Variants in RALYL observed in about 807,000 individuals in gnomAD.
RALYL encodes RALY RNA binding protein like, also known as RNA-binding Raly-like protein.
Under a neutral mutation model 35.1 loss-of-function variants are expected in RALYL, and 29 were observed. That is an observed-to-expected ratio of 0.83 (90% confidence interval 0.61 to 1.13). The LOEUF is 1.13. Among genes scored for constraint, RALYL ranks in the 50% most tolerant of loss-of-function variants. The pLI is 0.00. For missense variants in RALYL, 359 were observed against 360.4 expected (o/e 1.00, Z 0.03); for synonymous variants, 120 against 127.6 (o/e 0.94, Z 0.40).
intron 1 of RALYL, among the ~76,000 whole-genome samples, chr8:84,482,887 A>G (rs1372157857): frequency 1.3e-5 from 2 of 152,120 alleles, no homozygotes; most frequent in Non-Finnish European, 2.9e-5. Flanking sequence ...CACTGTTGAG[A>G]CATTAAAGTC....
intron 1 of RALYL, among the ~76,000 whole-genome samples, chr8:84,247,529 A>C (rs1829347679): frequency 6.6e-6 from 1 of 151,838 alleles, no homozygotes; most frequent in African/African-American, 2.4e-5. Context: ...ACACATTTTA[A>C]ATTTAAAAAA....
intron 4 of RALYL, among the ~76,000 whole-genome samples, chr8:84,810,105 C>A (rs1226658238): frequency 6.6e-6 from 1 of 151,966 alleles, no homozygotes; most frequent in Non-Finnish European, 1.5e-5. Context: ...TTCAGTCTTT[C>A]TGATGTAGGC....
intron 2 of RALYL, among the ~76,000 whole-genome samples, chr8:84,697,944 T>C (rs1839453532): frequency 6.6e-6 from 1 of 152,130 alleles, no homozygotes; most frequent in Non-Finnish European, 1.5e-5. Flanking sequence ...TAAAAGCATG[T>C]ATATTTGCCA....
chr8:84,513,956 A>T (rs1000736501), intron 1 of RALYL, among the ~76,000 whole-genome samples: 2 of 151,866 alleles, frequency 1.3e-5, no homozygotes, highest in African/African-American at 4.8e-5. Flanking sequence ...TTAGCCAGGC[A>T]TGGTGGTGTG....
intron 1 of RALYL, among the ~76,000 whole-genome samples, chr8:84,447,303 C>T (rs1291735703): frequency 6.6e-6 from 1 of 152,054 alleles, no homozygotes; most frequent in Admixed American, 6.6e-5. Context: ...GAACACATTC[C>T]GGTTCTGAAT....
At chr8:84,413,792 C>A (rs1365684438) in intron 1 of RALYL, among the ~76,000 whole-genome samples, 3 of 151,946 alleles carry the variant, frequency 2.0e-5, no homozygotes, top group African/African-American at 7.2e-5. Flanking sequence ...TTACGATAGG[C>A]AGTTCTTAGT....
intron 3 of RALYL, among the ~76,000 whole-genome samples, chr8:84,781,197 G>T (rs1818068446): frequency 1.3e-5 from 2 of 152,074 alleles, no homozygotes; most frequent in East Asian, 3.9e-4. Flanking sequence ...TAGCTATGAT[G>T]ATGTTGCTAA....
At chr8:84,904,122 C>T (rs963253584) in intron 8 of RALYL, among the ~76,000 whole-genome samples, 5 of 152,154 alleles carry the variant, frequency 3.3e-5, no homozygotes, top group African/African-American at 4.8e-5. Context: ...AACCTGAACA[C>T]ATTCTATAAA....
intron 8 of RALYL, among the ~76,000 whole-genome samples, chr8:84,910,346 G>A (rs183087352): frequency 6.6e-6 from 1 of 152,142 alleles, no homozygotes; most frequent in Admixed American, 6.6e-5. Context: ...TACTCTGTTA[G>A]TCATACTATC....
intron 1 of RALYL, among the ~76,000 whole-genome samples, chr8:84,240,831 C>CA (rs1300414323): frequency 6.6e-6 from 1 of 152,034 alleles, no homozygotes; most frequent in Non-Finnish European, 1.5e-5. Flanking sequence ...TGAGTGTTGA[C>CA]AAAAAGATGT....
intron 2 of RALYL, among the ~76,000 whole-genome samples, chr8:84,735,684 A>G (rs1326360287): frequency 6.6e-6 from 1 of 152,048 alleles, no homozygotes; most frequent in East Asian, 1.9e-4. Context: ...GTACCCTTAT[A>G]CAATGAGGTT....
intron 1 of RALYL, among the ~76,000 whole-genome samples, chr8:84,251,150 A>G (rs1304406229): frequency 6.6e-6 from 1 of 152,118 alleles, no homozygotes; most frequent in Non-Finnish European, 1.5e-5. Flanking sequence ...ATAAATGTAG[A>G]TGGGGAAGGC....
intron 2 of RALYL, among the ~76,000 whole-genome samples, chr8:84,648,115 C>T (rs569782406): frequency 2.0e-5 from 3 of 152,044 alleles, no homozygotes; most frequent in South Asian, 2.1e-4. Context: ...TGCGCACATG[C>T]GTGCACACAC....
chr8:84,632,617 T>C (rs1824168268), intron 2 of RALYL, among the ~76,000 whole-genome samples: 1 of 141,026 alleles, frequency 7.1e-6, no homozygotes, highest in African/African-American at 2.6e-5. Flanking sequence ...GTGTGTGTAG[T>C]TTTCTTTATT....
chr8:84,336,497 T>C (rs1372300693), intron 1 of RALYL, among the ~76,000 whole-genome samples: 1 of 152,148 alleles, frequency 6.6e-6, no homozygotes, highest in African/African-American at 2.4e-5. Context: ...CTTTCTTTTG[T>C]ATCAGAGAAG....
At chr8:84,331,808 T>G (rs1846872873) in intron 1 of RALYL, among the ~76,000 whole-genome samples, 1 of 152,146 alleles carries the variant, frequency 6.6e-6, no homozygotes, top group Non-Finnish European at 1.5e-5. Flanking sequence ...GCTGACTTAT[T>G]AAGCATAATA....
chr8:84,565,983 G>C (rs950000404), intron 2 of RALYL, among the ~76,000 whole-genome samples: 3 of 151,490 alleles, frequency 2.0e-5, no homozygotes, highest in African/African-American at 4.8e-5. Context: ...ATTGCTTTGT[G>C]CCTTAGTACA....
chr8:84,462,854 T>C (rs2050969342), intron 1 of RALYL, among the ~76,000 whole-genome samples: 1 of 151,794 alleles, frequency 6.6e-6, no homozygotes, highest in Non-Finnish European at 1.5e-5. Flanking sequence ...ATCCTGAAGT[T>C]CATCATCAAA....
intron 1 of RALYL, among the ~76,000 whole-genome samples, chr8:84,356,926 ATG>A (rs1291454196): frequency 0.028 from 4,293 of 152,114 alleles, 225 homozygotes; most frequent in African/African-American, 0.044. Context: ...GCAGCAATAT[ATG>A]GAATCACAAC....
Sources: allele counts gnomAD v4.1 joint callset (sites outside exome capture counted in the v4.1 genomes callset), GRCh38; gene constraint gnomAD v4.1.1; transcripts MANE v1.5; gene names NCBI Gene and HGNC (gene_info 2026-07-23, HGNC 2026-07-21).